The following CAB39 variants were observed in gnomAD, a reference collection of about 807,000 sequenced individuals.
CAB39 encodes the protein calcium-binding protein 39.
In CAB39, 8 loss-of-function variants were observed where a neutral mutation model predicts 40.0. The observed-to-expected ratio is 0.20, with a 90% CI of 0.12 to 0.36. The LOEUF is 0.36. Among genes scored for constraint, CAB39 ranks in the 10% least tolerant of loss-of-function variants. The pLI, the probability that CAB39 is intolerant of heterozygous loss-of-function variation, is 1.00. For synonymous variants in CAB39, 156 were observed against 141.6 expected, an observed-to-expected ratio of 1.10 and a Z score of -0.72; for missense variants, 270 against 401.1, an observed-to-expected ratio of 0.67 and a Z score of 2.79.
chr2:230,738,723 C>T (rs988436047), intron 1 of CAB39, among the ~76,000 whole-genome samples: 2 of 152,196 alleles, frequency 1.3e-5, no homozygotes, highest in Non-Finnish European at 2.9e-5. Context: ...GGTGGTTTAG[C>T]TCAGGCTGGT....
At chr2:230,780,011 A>G (rs1210681180) in intron 2 of CAB39, among the ~76,000 whole-genome samples, 2 of 152,160 alleles carry the variant, frequency 1.3e-5, no homozygotes, top group Non-Finnish European at 1.5e-5. Context: ...AAGAAATGGA[A>G]TGGGTCTTAG....
chr2:230,813,359 T>C (rs963198601), intron 6 of CAB39, among the ~76,000 whole-genome samples: 2 of 152,142 alleles, frequency 1.3e-5, no homozygotes, highest in East Asian at 3.9e-4. Context: ...AGTTCTTAAA[T>C]TTGTGGCATT....
chr2:230,755,193 T>A (rs1039948281), intron 1 of CAB39, among the ~76,000 whole-genome samples: 7 of 152,364 alleles, frequency 4.6e-5, no homozygotes, highest in Non-Finnish European at 1.0e-4. Flanking sequence ...GTTCTACTTT[T>A]AGTTCTTTAA....
chr2:230,791,893 G>A (rs971095612), intron 3 of CAB39, among the ~76,000 whole-genome samples: 3 of 152,168 alleles, frequency 2.0e-5, no homozygotes, highest in Non-Finnish European at 4.4e-5. Context: ...AAGCGCTGTG[G>A]CATGGCCATG....
intron 1 of CAB39, among the ~76,000 whole-genome samples, chr2:230,731,283 C>T (rs964649046): frequency 6.6e-6 from 1 of 152,146 alleles, no homozygotes; most frequent in African/African-American, 2.4e-5. Flanking sequence ...ATGCATAAGG[C>T]AAGACGATCT....
At chr2:230,774,358 AATAG>A (rs1211301852) in intron 2 of CAB39, among the ~76,000 whole-genome samples, 1 of 152,236 alleles carries the variant, frequency 6.6e-6, no homozygotes, top group Non-Finnish European at 1.5e-5. Flanking sequence ...GTATGATACA[AATAG>A]ATTAGTCTCT....
intron 2 of CAB39, among the ~76,000 whole-genome samples, chr2:230,784,652 G>A (rs368837635): frequency 4.6e-5 from 7 of 152,242 alleles, no homozygotes; most frequent in East Asian, 1.9e-4. Context: ...TTTCAGAGGC[G>A]GGTGTAATCA....
Position 230,739,083 on chromosome 2 carries a change from T to TA in CAB39, c.-43-20872dup, listed in dbSNP as rs535647496. On this transcript the variant is annotated intron_variant, in intron 1 of 8. Coordinates refer to ENST00000258418, the MANE Select transcript of CAB39 (RefSeq NM_016289.4). Reference sequence around the variant, plus strand: ...TATTCTTTTAAAGGAATTATCTCTATAAAAGAGCAGGATTCACTGTTTGCT... The same window carrying TA: ...TATTCTTTTAAAGGAATTATCTCTATAAAAAGAGCAGGATTCACTGTTTGCT... Among the ~76,000 whole-genome samples, 339 of 152,354 alleles carry TA rather than the reference T, an allele frequency of 2.2e-3. 1 individual carries two copies. Among genetic ancestry groups the TA allele is most frequent in the African/African-American group, 7.6e-3 (317 of 41,576 alleles).
At chr2:230,725,064 C>G in intron 1 of CAB39, 2 of 1,504,458 alleles carry the variant, frequency 1.3e-6, no homozygotes, top group Non-Finnish European at 1.8e-6. Context: ...TCTTTTCCTT[C>G]GTAGAGGACA....
intron 1 of CAB39, among the ~76,000 whole-genome samples, chr2:230,736,300 A>G (rs1200266323): frequency 1.3e-5 from 2 of 152,192 alleles, no homozygotes; most frequent in African/African-American, 4.8e-5. Flanking sequence ...CCCTCGTGCT[A>G]AAATTAGATT....
intron 4 of CAB39, 26 bp downstream of exon 4, chr2:230,793,357 A>G: frequency 8.6e-7 from 1 of 1,163,120 alleles, no homozygotes. Flanking sequence ...TAAAATTTGT[A>G]TTCTCAGTTG....
At chr2:230,795,529 G>T (rs186576296) in intron 4 of CAB39, among the ~76,000 whole-genome samples, 3 of 151,496 alleles carry the variant, frequency 2.0e-5, no homozygotes, top group East Asian at 4.4e-4. Flanking sequence ...TTCACTTTGA[G>T]GGGGGCAAAA....
At chr2:230,807,194 T>C (rs1696211401) in intron 5 of CAB39, among the ~76,000 whole-genome samples, 2 of 152,030 alleles carry the variant, frequency 1.3e-5, no homozygotes, top group African/African-American at 2.4e-5. Flanking sequence ...TATGTTCTAT[T>C]CTGTTGGTCT....
chr2:230,731,972 C>T (rs1478492248), intron 1 of CAB39, among the ~76,000 whole-genome samples: 1 of 152,152 alleles, frequency 6.6e-6, no homozygotes, highest in Non-Finnish European at 1.5e-5. Flanking sequence ...TTGGTACACC[C>T]CATTTAATGG....
At chr2:230,748,831 A>AAATATATATATATATATAT (rs1386799920) in intron 1 of CAB39, among the ~76,000 whole-genome samples, 2 of 28,510 alleles carry the variant, frequency 7.0e-5, no homozygotes, top group African/African-American at 1.3e-4. Flanking sequence ...AAAAAAAAAA[A>AAATATATATATATATATAT]ATATATATAT....
At chr2:230,727,401 T>TGTGTGTGTGTGTGTGTG (rs1491396666) in intron 1 of CAB39, among the ~76,000 whole-genome samples, 5 of 144,176 alleles carry the variant, frequency 3.5e-5, no homozygotes, top group African/African-American at 1.3e-4. Context: ...TGTGTGTGTA[T>TGTGTGTGTGTGTGTGTG]TTTTTTTTCT....
At chr2:230,750,484 C>T (rs1381956203) in intron 1 of CAB39, among the ~76,000 whole-genome samples, 1 of 152,230 alleles carries the variant, frequency 6.6e-6, no homozygotes, top group Non-Finnish European at 1.5e-5. Flanking sequence ...AAATAAACCT[C>T]TTCCCTTTAT....
At chr2:230,794,236 G>T (rs541264171) in intron 4 of CAB39, among the ~76,000 whole-genome samples, 2 of 152,336 alleles carry the variant, frequency 1.3e-5, no homozygotes, top group East Asian at 3.9e-4. Flanking sequence ...TAGACAAAGT[G>T]TGAGTCAGTG....
intron 4 of CAB39, among the ~76,000 whole-genome samples, chr2:230,798,237 C>T (rs1237547053): frequency 6.6e-6 from 1 of 152,120 alleles, no homozygotes; most frequent in Non-Finnish European, 1.5e-5. Flanking sequence ...GGCTGAGAGT[C>T]TCCAAGTACT....
Sources: gnomAD v4.1 joint callset for allele counts (sites outside exome capture counted in the v4.1 genomes callset) on GRCh38, gnomAD v4.1.1 for gene constraint, MANE v1.5 for transcripts, NCBI Gene and HGNC (gene_info 2026-07-23, HGNC 2026-07-21) for gene names.